Variants in DGKG observed in about 807,000 individuals in gnomAD.
The protein encoded by DGKG is DAG kinase gamma.
DGKG carries 78 observed loss-of-function variants against 105.3 expected under a neutral mutation model. The ratio of observed to expected loss-of-function variants is 0.74; its 90% CI spans 0.62 to 0.89. The LOEUF (loss-of-function observed/expected upper bound fraction) is 0.89, where lower values mean the gene tolerates loss of function less well. Among genes scored for constraint, DGKG ranks in the 40% least tolerant of loss-of-function variants. The pLI is 0.00. For synonymous variants in DGKG, 346 were observed against 367.1 expected, an observed-to-expected ratio of 0.94 and a Z score of 0.66; for missense variants, 958 against 1,020.1, an observed-to-expected ratio of 0.94 and a Z score of 0.83.
At chr3:186,158,449 A>G (rs1389169964) in intron 24 of DGKG, 5 of 975,988 alleles carry the variant, frequency 5.1e-6, no homozygotes, top group Non-Finnish European at 6.1e-6. Flanking sequence ...TAAGTCTCCA[A>G]GTGACTAAAT....
At chr3:186,233,506 G>A (rs1472390041) in intron 20 of DGKG, among the ~76,000 whole-genome samples, 2 of 152,182 alleles carry the variant, frequency 1.3e-5, no homozygotes, top group African/African-American at 4.8e-5. Context: ...TTGAGACGGA[G>A]TCTCGCTCTG....
At chr3:186,228,628 T>C (rs1719975239) in intron 20 of DGKG, among the ~76,000 whole-genome samples, 2 of 152,170 alleles carry the variant, frequency 1.3e-5, no homozygotes, top group South Asian at 4.1e-4. Context: ...TCATGTCCAG[T>C]GTCCTCTCAC....
chr3:186,188,457 C>CGT lies in DGKG; in HGVS notation c.1918-80_1918-79dup, dbSNP rs3217178. On this transcript the variant is annotated intron_variant, in intron 21 of 24. Coordinates refer to ENST00000265022, the MANE Select transcript of DGKG (RefSeq NM_001346.3). ...CCAAGGTGCTCTGTGTGTGTGCGTGCGTGTGTGTGTGTGTACTCTCTTAAA... is the reference window on the plus strand; with the variant it reads ...CCAAGGTGCTCTGTGTGTGTGCGTGCGTGTGTGTGTGTGTGTACTCTCTTAAA... The CGT allele has an allele frequency of 4.3e-3, 5,497 of 1,267,394 alleles. 118 individuals carry two copies. The African/African-American group carries it at 0.06, about 14-fold the overall frequency. 78.5% of individuals were successfully genotyped at this position (1,267,394 alleles called of 1,614,324 possible). A position where few individuals can be genotyped will look rare whatever the true frequency, so the allele number is the denominator to read the frequency against.
intron 20 of DGKG, among the ~76,000 whole-genome samples, chr3:186,235,165 T>C (rs766580773): frequency 7.2e-5 from 11 of 152,202 alleles, no homozygotes; most frequent in Non-Finnish European, 1.6e-4. Flanking sequence ...ATTAAGTCAG[T>C]TGCTCTGTCA....
Position 186,148,620 on chromosome 3 carries a change from C to T in DGKG, c.*1470G>A, listed in dbSNP as rs1162092622. 3 of 985,246 alleles carry T rather than the reference C, an allele frequency of 3.0e-6. No homozygotes were observed. The African/African-American group carries it at 5.2e-5, about 17-fold the overall frequency. 61.0% of individuals were successfully genotyped at this position (985,246 alleles called of 1,614,324 possible). Reference sequence around the variant, plus strand: ...TCTCCATTAAATATCTTTGTAACGGCACCTACTCTCAAGCTGCATTAGCCA... The same window carrying T: ...TCTCCATTAAATATCTTTGTAACGGTACCTACTCTCAAGCTGCATTAGCCA... On this transcript the variant is annotated 3_prime_UTR_variant, in exon 25 of 25. Transcript: ENST00000265022.
chr3:186,235,620 C>A (rs1365328660), intron 20 of DGKG, among the ~76,000 whole-genome samples: 1 of 152,184 alleles, frequency 6.6e-6, no homozygotes, highest in Non-Finnish European at 1.5e-5. Flanking sequence ...TTATGTAAAT[C>A]ATGATATATT....
intron 21 of DGKG, among the ~76,000 whole-genome samples, chr3:186,196,444 C>T (rs115715420): frequency 0.043 from 6,575 of 152,182 alleles, 461 homozygotes; most frequent in African/African-American, 0.15. Flanking sequence ...CAGCCTTTTT[C>T]TCTTCTCTGC....
At chr3:186,185,454 G>T (rs1169404984) in intron 22 of DGKG, among the ~76,000 whole-genome samples, 2 of 152,160 alleles carry the variant, frequency 1.3e-5, no homozygotes, top group African/African-American at 4.8e-5. Flanking sequence ...AAGATGTAAG[G>T]TCAGACATGT....
intron 2 of DGKG, among the ~76,000 whole-genome samples, 186 bp from the exon 3 acceptor site, chr3:186,307,163 G>A (rs969347042): frequency 6.6e-6 from 1 of 152,036 alleles, no homozygotes; most frequent in African/African-American, 2.4e-5. Context: ...CTTCCCCCCT[G>A]CATCTAAATT....
chr3:186,284,364 C>T lies in DGKG; in HGVS notation c.594+296G>A, dbSNP rs911832420. 7.9e-5 allele frequency among the ~76,000 whole-genome samples: 12 copies of T among 152,086 alleles called. No individual in the cohort carries two copies. Among genetic ancestry groups the T allele is most frequent in the African/African-American group, 2.7e-4 (11 of 41,388 alleles). ...GACTCCTGCAGGAAATTGCAGGAGG[C>T]GCTTGTGAACTGAATGGGAAGTTAA... On this transcript the variant is annotated intron_variant, in intron 7 of 24. Transcript: ENST00000265022. The surrounding 1 kb of genome is among the most constrained non-coding windows in gnomAD (Gnocchi z 4.0).
intron 19 of DGKG, among the ~76,000 whole-genome samples, chr3:186,250,520 T>C (rs935635459): frequency 3.3e-5 from 5 of 149,856 alleles, no homozygotes; most frequent in African/African-American, 1.2e-4. Flanking sequence ...AAATATTTGT[T>C]GAAAAAAAGA....
intron 5 of DGKG, among the ~76,000 whole-genome samples, chr3:186,293,806 G>A (rs9860325): frequency 0.029 from 4,391 of 152,292 alleles, 219 homozygotes; most frequent in African/African-American, 0.099. Flanking sequence ...TGAGTCCAGG[G>A]CTTGGCTCTT....
At chr3:186,273,053 C>T (rs996903395) in intron 10 of DGKG, among the ~76,000 whole-genome samples, 17 of 152,144 alleles carry the variant, frequency 1.1e-4, no homozygotes, top group African/African-American at 2.4e-4. Flanking sequence ...GGCAGGCCCC[C>T]GTGACAATCC....
intron 17 of DGKG, among the ~76,000 whole-genome samples, chr3:186,255,445 C>T (rs976606802): frequency 3.5e-4 from 53 of 152,270 alleles, no homozygotes; most frequent in African/African-American, 1.2e-3. Context: ...GGGAGGCTCC[C>T]CTGAGTAAGC....
intron 20 of DGKG, among the ~76,000 whole-genome samples, chr3:186,218,031 C>G (rs908821555): frequency 6.6e-6 from 1 of 152,124 alleles, no homozygotes; most frequent in African/African-American, 2.4e-5. Context: ...CCTGGTGAAA[C>G]AGATGCTACC....
chr3:186,192,038 G>A lies in DGKG; in HGVS notation c.1918-3659C>T, dbSNP rs1048539150. ...TATTTATTTTTTGAGACAGAGTTTCGCTCTTGTCGCCCAGGCTGGAGTGCG... is the reference window on the plus strand; with the variant it reads ...TATTTATTTTTTGAGACAGAGTTTCACTCTTGTCGCCCAGGCTGGAGTGCG... On this transcript the variant is annotated intron_variant, in intron 21 of 24. Transcript: ENST00000265022. 4.6e-5 allele frequency among the ~76,000 whole-genome samples: 7 copies of A among 151,834 alleles called. No homozygotes were observed. The East Asian group carries it at 5.8e-4, about 13-fold the overall frequency.
chr3:186,255,971 G>C (rs1360574128), intron 17 of DGKG, among the ~76,000 whole-genome samples: 2 of 152,144 alleles, frequency 1.3e-5, no homozygotes, highest in African/African-American at 4.8e-5. Context: ...CCTTCTTTCT[G>C]TTTTGAGCAG....
intron 15 of DGKG, 111 bp downstream of exon 15, chr3:186,261,588 C>G (rs1044012539): frequency 2.2e-5 from 17 of 785,812 alleles, no homozygotes; most frequent in Non-Finnish European, 3.7e-5. Flanking sequence ...GGTGGCAGTG[C>G]TGGGATTTGA....
In DGKG at chr3:186,352,408, T is replaced by G. The variant is rs531663749; in HGVS notation, c.-249+9538A>C. On this transcript the variant is annotated intron_variant, in intron 1 of 24. Coordinates refer to ENST00000265022, the MANE Select transcript of DGKG (RefSeq NM_001346.3). ...GATCTAGATACATGGAAATAGACTC[T>G]CCCCTGATCTCATGAGTTTTCACGT... is the stretch of plus-strand genomic sequence containing the variant. Among the ~76,000 whole-genome samples, 16 of 152,256 alleles carry G rather than the reference T, an allele frequency of 1.1e-4. 1 individual carries two copies. In the East Asian group the frequency reaches 3.1e-3, roughly 29 times the overall value.
Sources: allele counts gnomAD v4.1 joint callset (sites outside exome capture counted in the v4.1 genomes callset), GRCh38; gene constraint gnomAD v4.1.1; non-coding constraint Gnocchi (gnomAD v3.1); transcripts MANE v1.5; gene names NCBI Gene and HGNC (gene_info 2026-07-23, HGNC 2026-07-21).